ADK: variants seen among roughly 807,000 people sequenced by gnomAD.
ADK encodes N6,N6-dimethyladenosine kinase.
A neutral mutation model predicts 44.7 loss-of-function variants in ADK; 24 were observed. The ratio of observed to expected loss-of-function variants is 0.54; its 90% confidence interval spans 0.39 to 0.76. The LOEUF (loss-of-function observed/expected upper bound fraction) is 0.76, where lower values mean the gene tolerates loss of function less well. Ranked by LOEUF, ADK falls within the 30% of genes least tolerant of loss-of-function variation. The pLI, the probability that ADK is intolerant of heterozygous loss-of-function variation, is 0.00. For missense variants in ADK, 321 were observed against 425.1 expected (o/e 0.76, Z 2.15); for synonymous variants, 128 against 142.6 (o/e 0.90, Z 0.73).
intron 10 of ADK, among the ~76,000 whole-genome samples, chr10:74,701,680 CA>C (rs1481524125): frequency 2.6e-5 from 4 of 152,238 alleles, no homozygotes; most frequent in Non-Finnish European, 5.9e-5. Flanking sequence ...CATGGTGTCT[CA>C]CACCTGTAAT....
intron 3 of ADK, among the ~76,000 whole-genome samples, chr10:74,244,273 C>T (rs1000126501): frequency 6.6e-6 from 1 of 152,120 alleles, no homozygotes; most frequent in Non-Finnish European, 1.5e-5. Context: ...GTGATGCCCA[C>T]CAGATGGTGC....
At chr10:74,274,836 G>A (rs1198325512) in intron 3 of ADK, among the ~76,000 whole-genome samples, 1 of 150,068 alleles carries the variant, frequency 6.7e-6, no homozygotes, top group African/African-American at 2.5e-5. Context: ...GGGCTCAAGT[G>A]ATCAGCCTGC....
intron 10 of ADK, among the ~76,000 whole-genome samples, chr10:74,702,570 T>TCCTC (rs1564860531): frequency 1.4e-5 from 2 of 146,262 alleles, no homozygotes; most frequent in African/African-American, 2.6e-5. Context: ...CTTCCTTCCT[T>TCCTC]CCTCTCTCTC....
chr10:74,301,686 T>A (rs1191847769), intron 3 of ADK, among the ~76,000 whole-genome samples: 2 of 152,104 alleles, frequency 1.3e-5, no homozygotes, highest in Non-Finnish European at 2.9e-5. Context: ...ACCTAGATAA[T>A]GTCCTTGGTT....
intron 3 of ADK, among the ~76,000 whole-genome samples, chr10:74,246,940 TAAAA>T (rs1166021154): frequency 6.6e-6 from 1 of 151,982 alleles, no homozygotes; most frequent in African/African-American, 2.4e-5. Context: ...AATTTATTCT[TAAAA>T]TAATAAATAT....
At chr10:74,647,257 G>GTA (rs1293835310) in intron 9 of ADK, among the ~76,000 whole-genome samples, 1 of 152,136 alleles carries the variant, frequency 6.6e-6, no homozygotes, top group African/African-American at 2.4e-5. Context: ...CCACAGTATA[G>GTA]TATCCACAGA....
intron 6 of ADK, among the ~76,000 whole-genome samples, chr10:74,506,830 A>C (rs1299837321): frequency 6.6e-6 from 1 of 152,204 alleles, no homozygotes; most frequent in Non-Finnish European, 1.5e-5. Context: ...ATCTACATAT[A>C]CTTTATGAGT....
At chr10:74,217,438 G>T (rs1591872656) in intron 2 of ADK, among the ~76,000 whole-genome samples, 1 of 152,234 alleles carries the variant, frequency 6.6e-6, no homozygotes, top group Admixed American at 6.5e-5. Flanking sequence ...ACCTCTGGGG[G>T]CAGGGCACAG....
At chr10:74,654,376 C>T (rs183607838) in intron 9 of ADK, among the ~76,000 whole-genome samples, 16 of 152,336 alleles carry the variant, frequency 1.1e-4, no homozygotes, top group African/African-American at 3.4e-4. Context: ...CCTATTCTCC[C>T]GCCCTAAGAG....
chr10:74,372,293 C>T, intron 4 of ADK: 1 of 760,924 alleles, frequency 1.3e-6, no homozygotes, highest in South Asian at 1.3e-5. Flanking sequence ...TGCAGGTGCC[C>T]TCTGCGCCTA....
intron 7 of ADK, among the ~76,000 whole-genome samples, chr10:74,587,314 A>G (rs531964598): frequency 2.0e-5 from 3 of 152,298 alleles, no homozygotes; most frequent in East Asian, 1.9e-4. Context: ...GTCAAGATCA[A>G]TATTTATTTG....
chr10:74,687,592 TC>T (rs1233750298), intron 10 of ADK, among the ~76,000 whole-genome samples: 1 of 152,192 alleles, frequency 6.6e-6, no homozygotes, highest in Non-Finnish European at 1.5e-5. Context: ...GCATGCCTTG[TC>T]CACTACCTTC....
chr10:74,581,830 C>G (rs1338237076), intron 7 of ADK, among the ~76,000 whole-genome samples: 1 of 152,118 alleles, frequency 6.6e-6, no homozygotes, highest in Non-Finnish European at 1.5e-5. Flanking sequence ...AGTGAAAATA[C>G]CTTTCAAAAA....
At chr10:74,362,414 A>T (rs566247384) in intron 4 of ADK, among the ~76,000 whole-genome samples, 1 of 150,970 alleles carries the variant, frequency 6.6e-6, no homozygotes, top group East Asian at 1.9e-4. Context: ...TAAAAAAGTT[A>T]TTTGAGTCTC....
intron 7 of ADK, among the ~76,000 whole-genome samples, chr10:74,579,753 T>TA (rs1851314744): frequency 6.6e-6 from 1 of 151,980 alleles, no homozygotes; most frequent in Non-Finnish European, 1.5e-5. Context: ...TGCAGAGGGC[T>TA]CCCCTTGATT....
At chr10:74,291,187 T>C (rs1014628010) in intron 3 of ADK, among the ~76,000 whole-genome samples, 1 of 151,990 alleles carries the variant, frequency 6.6e-6, no homozygotes, top group African/African-American at 2.4e-5. Flanking sequence ...GAGGCTGAGG[T>C]GGGCGGATCA....
chr10:74,496,459 T>C (rs1847690964), intron 6 of ADK, among the ~76,000 whole-genome samples: 1 of 152,198 alleles, frequency 6.6e-6, no homozygotes, highest in African/African-American at 2.4e-5. Context: ...GCATTCATTC[T>C]CTCTCCTGCC....
chr10:74,706,980 T>C (rs1856623984), intron 10 of ADK, among the ~76,000 whole-genome samples: 1 of 152,184 alleles, frequency 6.6e-6, no homozygotes, highest in Non-Finnish European at 1.5e-5. Context: ...GTACTTCAAA[T>C]ATTTGAAGTA....
intron 4 of ADK, among the ~76,000 whole-genome samples, chr10:74,384,471 A>C (rs938507420): frequency 1.1e-4 from 17 of 152,092 alleles, no homozygotes; most frequent in Non-Finnish European, 2.1e-4. Flanking sequence ...GGAGTTCAAG[A>C]CCAGCCTGGC....
Sources: allele counts gnomAD v4.1 joint callset (sites outside exome capture counted in the v4.1 genomes callset), GRCh38; gene constraint gnomAD v4.1.1; transcripts MANE v1.5; gene names NCBI Gene and HGNC (gene_info 2026-07-23, HGNC 2026-07-21).